P3H2: variants seen among roughly 807,000 people sequenced by gnomAD.
P3H2 encodes the protein prolyl 3-hydroxylase 2.
Under a neutral mutation model 87.0 loss-of-function variants are expected in P3H2, and 80 were observed. The ratio of observed to expected loss-of-function variants is 0.92; its 90% CI spans 0.77 to 1.11. The LOEUF (loss-of-function observed/expected upper bound fraction) is 1.11. P3H2 is among the 50% of genes least tolerant of loss of function. The pLI is 0.00. For synonymous variants in P3H2, 367 were observed against 359.3 expected (o/e 1.02, Z -0.24); for missense variants, 1,001 against 923.9 (o/e 1.08, Z -1.08).
At chr3:190,097,316 G>A (rs140223717) in intron 1 of P3H2, among the ~76,000 whole-genome samples, 5 of 152,174 alleles carry the variant, frequency 3.3e-5, no homozygotes, top group African/African-American at 7.2e-5. Context: ...CAAAAAAACC[G>A]CTATGATTTC....
chr3:189,979,347 G>C (rs1411684971), intron 8 of P3H2, among the ~76,000 whole-genome samples: 1 of 152,042 alleles, frequency 6.6e-6, no homozygotes, highest in East Asian at 1.9e-4. Context: ...AGAATCACTT[G>C]AACCCAGGAG....
intron 13 of P3H2, among the ~76,000 whole-genome samples, chr3:189,965,833 A>C (rs1204597048): frequency 2.6e-5 from 4 of 151,982 alleles, no homozygotes; most frequent in Non-Finnish European, 5.9e-5. Context: ...TAAAAATACA[A>C]AAATTAGCCA....
intron 1 of P3H2, among the ~76,000 whole-genome samples, chr3:190,054,502 G>A (rs139483585): frequency 1.3e-5 from 2 of 152,168 alleles, no homozygotes; most frequent in African/African-American, 4.8e-5. Context: ...TTGACACTAG[G>A]ATCTTTATTT....
At chr3:189,973,511 C>CTTTTTTTTTTTTTTTT (rs869099221) in intron 10 of P3H2, among the ~76,000 whole-genome samples, 2 of 35,458 alleles carry the variant, frequency 5.6e-5, no homozygotes, top group Non-Finnish European at 5.0e-5. Flanking sequence ...TTCTTTCTTT[C>CTTTTTTTTTTTTTTTT]TTTTTTTTTT....
At chr3:190,068,241 A>G (rs944451515) in intron 1 of P3H2, among the ~76,000 whole-genome samples, 1 of 152,214 alleles carries the variant, frequency 6.6e-6, no homozygotes, top group Admixed American at 6.6e-5. Context: ...CCTTCAAAAT[A>G]AAATCAATCT....
At chr3:190,015,183 TA>T (rs1205272176) in intron 1 of P3H2, among the ~76,000 whole-genome samples, 1 of 152,074 alleles carries the variant, frequency 6.6e-6, no homozygotes, top group Admixed American at 6.5e-5. Context: ...GGCTAATTTT[TA>T]AAAATTATTT....
rs762055015 is a variant in P3H2 at position 189,988,889 on chromosome 3, G to A, written c.955+18C>T. ...CCACAACCCCCCAAGAAGTCTTCACGGATGATCCACGCTTTACCTCGATAG... is the reference window on the plus strand; with the variant it reads ...CCACAACCCCCCAAGAAGTCTTCACAGATGATCCACGCTTTACCTCGATAG... On this transcript the variant is annotated intron_variant, in intron 4 of 14. Coordinates refer to ENST00000319332, the MANE Select transcript of P3H2 (RefSeq NM_018192.4). 9.9e-6 allele frequency: 16 copies of A among 1,613,720 alleles called. No homozygotes were observed. The highest frequency in any genetic ancestry group is 7.6e-6 in the Non-Finnish European group (9 of 1,179,890).
At chr3:190,010,907 C>G (rs1232353036) in intron 1 of P3H2, among the ~76,000 whole-genome samples, 3 of 152,208 alleles carry the variant, frequency 2.0e-5, no homozygotes, top group African/African-American at 4.8e-5. Flanking sequence ...ATGCTGGCAA[C>G]TAAAGTATTC....
Position 189,973,019 on chromosome 3 carries a change from A to C in P3H2, c.1554T>G (p.Gly518=). Residue 518 remains glycine (G), a synonymous_variant, in exon 11 of 15, where the codon GGT becomes GGG. Transcript: ENST00000319332. ...TCTTCAGTGGGACTCGACCTTCATA[A>C]CCAGACTGAAAAAAAAAAACAAAAC... ...GATVLKALKS[G]YEGRVPLKSA... is the part of the protein sequence containing the mutation. 2.5e-6 allele frequency: 4 copies of C among 1,576,286 alleles called. No individual in the cohort carries two copies. In the South Asian group the frequency reaches 4.5e-5, roughly 18 times the overall value.
At chr3:189,983,171 T>C in intron 7 of P3H2, 31 bp from the exon 8 acceptor site, 1 of 1,516,734 alleles carries the variant, frequency 6.6e-7, no homozygotes. Context: ...AAATGGCAAT[T>C]TGTCATTGAA....
rs1355554002 is a variant in P3H2, at chr3:189,972,871, C to T, written c.1699+3G>A. On this transcript the variant is annotated splice_donor_region_variant and intron_variant, in intron 11 of 14. Coordinates refer to ENST00000319332, the MANE Select transcript of P3H2 (RefSeq NM_018192.4). ...AGGGAACCATTTCAGACTGCAATCTCACCAGACAGGGCTGTTCGGCAGACC... is the reference window on the plus strand; with the variant it reads ...AGGGAACCATTTCAGACTGCAATCTTACCAGACAGGGCTGTTCGGCAGACC... 2.3e-5 allele frequency: 37 copies of T among 1,613,896 alleles called. No homozygotes were observed. Among genetic ancestry groups the T allele is most frequent in the Non-Finnish European group, 2.9e-5 (34 of 1,179,956 alleles).
At chr3:189,996,065 T>G (rs961258892) in intron 1 of P3H2, among the ~76,000 whole-genome samples, 1 of 152,116 alleles carries the variant, frequency 6.6e-6, no homozygotes, top group Non-Finnish European at 1.5e-5. Context: ...CCTTAAAAAA[T>G]TAAAAGTAGA....
intron 1 of P3H2, among the ~76,000 whole-genome samples, chr3:190,114,272 C>A (rs558044322): frequency 6.7e-6 from 1 of 150,022 alleles, no homozygotes; most frequent in Non-Finnish European, 1.5e-5. Flanking sequence ...CAAGCTCCGC[C>A]TCCCGGGTTC....
At chr3:189,964,241 T>C in intron 13 of P3H2, 143 bp from the exon 14 acceptor site, 1 of 780,130 alleles carries the variant, frequency 1.3e-6, no homozygotes, top group Non-Finnish European at 2.2e-6. Flanking sequence ...TGATGTAAAT[T>C]ATCTCAATTT....
chr3:190,028,450 C>A (rs932841992), intron 1 of P3H2, among the ~76,000 whole-genome samples: 2 of 152,168 alleles, frequency 1.3e-5, no homozygotes, highest in Non-Finnish European at 2.9e-5. Context: ...CTCTGGAGAC[C>A]TGACATCCTC....
At chr3:189,983,675 T>C (rs1281355093) in intron 7 of P3H2, among the ~76,000 whole-genome samples, 1 of 152,066 alleles carries the variant, frequency 6.6e-6, no homozygotes, top group East Asian at 1.9e-4. Flanking sequence ...CTCGAAATAA[T>C]TTTATGCCAC....
chr3:190,113,884 T>C (rs933107451), intron 1 of P3H2, among the ~76,000 whole-genome samples: 5 of 151,942 alleles, frequency 3.3e-5, no homozygotes, highest in African/African-American at 4.8e-5. Flanking sequence ...GAGACCATCC[T>C]GGCTAACACG....
At chr3:190,002,548 G>T (rs945837031) in intron 1 of P3H2, among the ~76,000 whole-genome samples, 1 of 151,852 alleles carries the variant, frequency 6.6e-6, no homozygotes, top group African/African-American at 2.4e-5. Flanking sequence ...TTACAGGCAC[G>T]CGCCAACACA....
intron 1 of P3H2, among the ~76,000 whole-genome samples, chr3:190,105,327 T>A (rs1450998448): frequency 1.3e-5 from 2 of 152,218 alleles, no homozygotes; most frequent in South Asian, 4.1e-4. Flanking sequence ...TTCAGTGCCA[T>A]AAAGATCAGG....
Sources: allele counts gnomAD v4.1 joint callset (sites outside exome capture counted in the v4.1 genomes callset), GRCh38; gene constraint gnomAD v4.1.1; transcripts MANE v1.5; gene names NCBI Gene and HGNC (gene_info 2026-07-23, HGNC 2026-07-21).